NRXN1: variants seen among roughly 807,000 people sequenced by gnomAD.
NRXN1 encodes the protein neurexin 1.
A neutral mutation model predicts 150.9 loss-of-function variants in NRXN1; 39 were observed. The ratio of observed to expected loss-of-function variants is 0.26; its 90% CI spans 0.20 to 0.34. NRXN1 has a LOEUF of 0.34. Ranked by LOEUF, NRXN1 falls within the 10% of genes least tolerant of loss-of-function variation. The probability of loss-of-function intolerance (pLI) is 1.00; values close to 1 mark genes in which losing one functional copy is unlikely to be tolerated. For missense variants in NRXN1, 1,815 were observed against 1,949.9 expected, an observed-to-expected ratio of 0.93 and a Z score of 1.30; for synonymous variants, 924 against 757.0, an observed-to-expected ratio of 1.22 and a Z score of -3.62.
chr2:50,102,844 A>G (rs138223172), intron 18 of NRXN1, among the ~76,000 whole-genome samples: 3 of 152,128 alleles, frequency 2.0e-5, no homozygotes, highest in Admixed American at 2.0e-4. Flanking sequence ...TGGACTCTTT[A>G]TAGCTATTAA....
intron 17 of NRXN1, among the ~76,000 whole-genome samples, chr2:50,418,390 A>G (rs1209178318): frequency 6.6e-6 from 1 of 152,052 alleles, no homozygotes; most frequent in African/African-American, 2.4e-5. Flanking sequence ...CAACACACAC[A>G]GCTGTTTTAT....
chr2:49,923,120 C>T (rs768477792), intron 22 of NRXN1, among the ~76,000 whole-genome samples: 3 of 152,080 alleles, frequency 2.0e-5, no homozygotes, highest in African/African-American at 4.8e-5. Context: ...TTTTGGGGTG[C>T]CTACGTCTTC....
At chr2:50,142,505 A>C (rs1042096797) in intron 18 of NRXN1, among the ~76,000 whole-genome samples, 1 of 151,952 alleles carries the variant, frequency 6.6e-6, no homozygotes, top group African/African-American at 2.4e-5. Context: ...GCTCAAGGTG[A>C]TGAATATCAT....
intron 18 of NRXN1, among the ~76,000 whole-genome samples, chr2:50,126,956 T>C (rs563855421): frequency 3.9e-5 from 6 of 152,294 alleles, no homozygotes; most frequent in East Asian, 1.9e-4. Flanking sequence ...CCAATAAACC[T>C]GGAGCTTTCA....
In NRXN1 at chr2:49,995,524, C is replaced by G. The variant is rs113563985; in HGVS notation, c.4129-51733G>C. On this transcript the variant is annotated intron_variant, in intron 21 of 22. Coordinates refer to ENST00000401669, the MANE Select transcript of NRXN1 (RefSeq NM_001330078.2). ...AGGCCGGGCGCGGTGGCTCACGCCT[C>G]TAATCCCAGCACTTTGGGAGGCCGA... is the stretch of plus-strand genomic sequence containing the variant. Among the ~76,000 whole-genome samples, 780 of 151,832 alleles carry G rather than the reference C, an allele frequency of 5.1e-3. 8 individuals are homozygous for G. Among genetic ancestry groups the G allele is most frequent in the African/African-American group, 0.018 (751 of 41,406 alleles).
chr2:49,987,853 C>G (rs1462206699), intron 21 of NRXN1, among the ~76,000 whole-genome samples: 1 of 151,288 alleles, frequency 6.6e-6, no homozygotes, highest in Non-Finnish European at 1.5e-5. Context: ...AAAATTTATC[C>G]TAACATATCA....
chr2:49,974,064 A>G (rs1573152390), intron 21 of NRXN1: 1 of 717,266 alleles, frequency 1.4e-6, no homozygotes, highest in Admixed American at 2.0e-5. Context: ...ATCCTAGGAA[A>G]TTTAGTCCAT....
At chr2:49,929,355 C>T (rs1669720636) in intron 22 of NRXN1, among the ~76,000 whole-genome samples, 1 of 152,164 alleles carries the variant, frequency 6.6e-6, no homozygotes, top group Non-Finnish European at 1.5e-5. Context: ...ATGGTATTTA[C>T]AAATCTTATT....
chr2:50,770,328 T>TTA (rs151092314), intron 5 of NRXN1, among the ~76,000 whole-genome samples: 93 of 150,392 alleles, frequency 6.2e-4, no homozygotes, highest in East Asian at 1.2e-3. Flanking sequence ...ATTTTATATT[T>TTA]TATATATATA....
intron 21 of NRXN1, among the ~76,000 whole-genome samples, chr2:50,040,693 A>G (rs72834745): frequency 2.0e-5 from 3 of 152,310 alleles, no homozygotes; most frequent in Non-Finnish European, 4.4e-5. Context: ...AATGAAAACA[A>G]TGTATCAATT....
chr2:50,660,207 C>T (rs1687089653), intron 5 of NRXN1, among the ~76,000 whole-genome samples: 1 of 152,026 alleles, frequency 6.6e-6, no homozygotes, highest in Admixed American at 6.6e-5. Context: ...TAACTTTCAA[C>T]ATCCCCATTT....
chr2:50,817,831 T>C (rs1669148802), intron 5 of NRXN1, among the ~76,000 whole-genome samples: 1 of 151,648 alleles, frequency 6.6e-6, no homozygotes, highest in Non-Finnish European at 1.5e-5. Context: ...CTTAACAAAC[T>C]AGGAATAGAA....
chr2:50,376,871 C>T (rs938333082), intron 17 of NRXN1, among the ~76,000 whole-genome samples: 5 of 152,204 alleles, frequency 3.3e-5, no homozygotes, highest in Admixed American at 6.5e-5. Context: ...GAAAGAGGAA[C>T]CGGTTCTTTG....
chr2:50,777,375 A>G lies in NRXN1; in HGVS notation c.832+144494T>C, dbSNP rs1263733275. Among the ~76,000 whole-genome samples the G allele has an allele frequency of 2.6e-5, 4 of 152,162 alleles. No individual in the cohort carries two copies. In the South Asian group the frequency reaches 6.2e-4, roughly 24 times the overall value. ...AAAGCAAACATTTTGTGGTTAGTTT[A>G]CTATGAATGTACCAGGGCTAGCAAG... On this transcript the variant is annotated intron_variant, in intron 5 of 22. Coordinates refer to ENST00000401669, the MANE Select transcript of NRXN1 (RefSeq NM_001330078.2).
intron 17 of NRXN1, among the ~76,000 whole-genome samples, chr2:50,403,165 T>C (rs2082512311): frequency 1.3e-5 from 2 of 152,230 alleles, no homozygotes; most frequent in South Asian, 4.1e-4. Flanking sequence ...ACAATGTATG[T>C]TGCTCAGATA....
intron 2 of NRXN1, among the ~76,000 whole-genome samples, chr2:50,973,550 T>C (rs1013357689): frequency 2.0e-5 from 3 of 152,244 alleles, no homozygotes; most frequent in Admixed American, 2.0e-4. Context: ...CAACATTTCA[T>C]CTTTCTTCAT....
At chr2:50,143,931 T>A (rs77167185) in intron 18 of NRXN1, among the ~76,000 whole-genome samples, 5,850 of 151,924 alleles carry the variant, frequency 0.039, 394 homozygotes, top group African/African-American at 0.13. Context: ...TAAAAAAAAA[T>A]TTTAACATTC....
intron 5 of NRXN1, among the ~76,000 whole-genome samples, chr2:50,643,743 A>T (rs1684396262): frequency 6.6e-6 from 1 of 151,880 alleles, no homozygotes; most frequent in Non-Finnish European, 1.5e-5. Flanking sequence ...CATTTTCTCT[A>T]AACATCCCTT....
chr2:50,414,239 G>A (rs1362943282), intron 17 of NRXN1, among the ~76,000 whole-genome samples: 2 of 152,018 alleles, frequency 1.3e-5, no homozygotes, highest in African/African-American at 2.4e-5. Flanking sequence ...AATGCTAGGG[G>A]GGATGGATAC....
Sources: gnomAD v4.1 joint callset for allele counts (sites outside exome capture counted in the v4.1 genomes callset) on GRCh38, gnomAD v4.1.1 for gene constraint, MANE v1.5 for transcripts, NCBI Gene and HGNC (gene_info 2026-07-23, HGNC 2026-07-21) for gene names.